The following CDKL5 variants were observed in gnomAD, a reference collection of about 807,000 sequenced individuals.
The protein encoded by CDKL5 is cyclin dependent kinase like 5, also known as cyclin-dependent kinase-like 5.
Under a neutral mutation model 61.7 loss-of-function variants are expected in CDKL5, and 8 were observed. That is an observed-to-expected ratio of 0.13 (90% CI 0.08 to 0.23). CDKL5 has a LOEUF of 0.23. CDKL5 is among the 10% of genes least tolerant of loss of function. The pLI is 1.00. For missense variants in CDKL5, 440 were observed against 734.5 expected (o/e 0.60, Z 4.63); for synonymous variants, 275 against 272.3 (o/e 1.01, Z -0.10).
rs982383361 is a variant in CDKL5 at position 18,637,193 on chromosome X, C to T, written c.*8436C>T. ...GGATCACGAGGTCAGGAGTTCGAGA[C>T]CAGCCTGGCCAACATGGTGAAACCC... On this transcript the variant is annotated 3_prime_UTR_variant, in exon 18 of 18. Transcript: ENST00000623535. The T allele has an allele frequency of 9.0e-6, 1 of 111,346 alleles. No individual in the cohort carries two copies. The highest frequency in any genetic ancestry group is 1.9e-5 in the Non-Finnish European group (1 of 53,098). 9.2% of individuals were successfully genotyped at this position (111,346 alleles called of 1,213,427 possible).
intron 1 of CDKL5, among the ~76,000 whole-genome samples, chrX:18,490,068 G>T (rs1921937868): frequency 9.0e-6 from 1 of 111,496 alleles, no homozygotes; most frequent in Admixed American, 9.6e-5. Flanking sequence ...CGAGGTGCTG[G>T]GAGGCTGGTG....
In CDKL5 at chrX:18,603,975, G is replaced by A. The variant is rs587783150; in HGVS notation, c.1051G>A (p.Val351Ile). The A allele has an allele frequency of 8.3e-7, 1 of 1,210,943 alleles. No homozygotes were observed. Among genetic ancestry groups the A allele is most frequent in the African/African-American group, 1.7e-5 (1 of 57,689 alleles). Residue 351 changes from valine to isoleucine, a missense_variant, in exon 12 of 18, where the codon GTA (valine) becomes ATA (isoleucine). Coordinates refer to ENST00000623535, the MANE Select transcript of CDKL5 (RefSeq NM_001323289.2). ...SNSKDIQNLS[V>I]GLPRADEGLP... ...CAGCAAGGACATCCAGAACCTGAGT[G>A]TAGGCCTGCCCCGGGCTGACGAAGG...
chrX:18,644,027 A>G (rs1048872039), downstream of CDKL5, among the ~76,000 whole-genome samples: 6 of 111,032 alleles, frequency 5.4e-5, no homozygotes, highest in African/African-American at 2.0e-4. Context: ...CCCCTCTGTC[A>G]GTCTCAAACA....
intron 9 of CDKL5, chrX:18,588,767 A>G (rs935829549): frequency 9.0e-6 from 1 of 110,534 alleles, no homozygotes; most frequent in Non-Finnish European, 1.9e-5. Flanking sequence ...TACAAAAATT[A>G]GCCAGGCATG....
Position 18,631,332 on chromosome X carries a change from C to T in CDKL5, c.*2575C>T, listed in dbSNP as rs763198988. ...TTCGAGGTAGCTCTTTAATCCTCTT[C>T]TCAGCTTTTGTCTGTTCTGACTTTT... On this transcript the variant is annotated 3_prime_UTR_variant, in exon 18 of 18. Transcript: ENST00000623535. The T allele has an allele frequency of 8.6e-5, 65 of 752,499 alleles. No homozygotes were observed. Among genetic ancestry groups the T allele is most frequent in the Non-Finnish European group, 1.0e-4 (64 of 638,521 alleles). The allele number at this position is 752,499 out of a possible 1,213,427, so 62.0% of individuals were successfully genotyped here.
chrX:18,564,526 G>GATATAT lies in CDKL5; in HGVS notation c.145+23_145+28dup, dbSNP rs745969938. On this transcript the variant is annotated splice_donor_region_variant and intron_variant, in intron 4 of 17. Coordinates refer to ENST00000623535, the MANE Select transcript of CDKL5 (RefSeq NM_001323289.2). The stretch of plus-strand genomic sequence containing the variant: ...AAGAAATTCAAGGACAGTGAAGGTA[G>GATATAT]ATATATATATATATATATATATATC... 29 of 607,933 alleles carry GATATAT rather than the reference G, an allele frequency of 4.8e-5. No individual in the cohort carries two copies. The highest frequency in any genetic ancestry group is 4.6e-4 in the Middle Eastern group (1 of 2,182). 50.1% of individuals were successfully genotyped at this position (607,933 alleles called of 1,213,427 possible).
intron 1 of CDKL5, among the ~76,000 whole-genome samples, chrX:18,504,555 C>A (rs7055405): frequency 0.017 from 1,918 of 111,809 alleles, 48 homozygotes; most frequent in African/African-American, 0.058. Context: ...AAATTTGCAC[C>A]AATTTACATT....
At chrX:18,652,147 G>A (rs1424386623) in intron 21 of CDKL5, among the ~76,000 whole-genome samples, 1 of 111,008 alleles carries the variant, frequency 9.0e-6, no homozygotes, top group African/African-American at 3.3e-5. Flanking sequence ...CAGGTGCTGG[G>A]CACTCTCTAG....
At chrX:18,516,152 G>A (rs1383752692) in intron 3 of CDKL5, among the ~76,000 whole-genome samples, 1 of 110,616 alleles carries the variant, frequency 9.0e-6, no homozygotes, top group East Asian at 2.8e-4. Flanking sequence ...CACCATGCGT[G>A]GCTAATTTTT....
chrX:18,544,758 C>T (rs1481804208), intron 3 of CDKL5, among the ~76,000 whole-genome samples: 3 of 112,514 alleles, frequency 2.7e-5, no homozygotes, highest in African/African-American at 9.7e-5. Context: ...TACTAAAGTA[C>T]GTTTCTAATT....
At chrX:18,564,308 A>G (rs1206889423) in intron 3 of CDKL5, among the ~76,000 whole-genome samples, 169 bp from the exon 4 acceptor site, 2 of 110,577 alleles carry the variant, frequency 1.8e-5, no homozygotes, top group Non-Finnish European at 1.9e-5. Context: ...GTGATAAGAA[A>G]GAGATTTTGG....
intron 1 of CDKL5, among the ~76,000 whole-genome samples, chrX:18,472,857 T>C (rs149035811): frequency 1.4e-3 from 153 of 109,632 alleles, no homozygotes; most frequent in African/African-American, 4.7e-3. Flanking sequence ...ATGCTGAAAA[T>C]AGTTTTCATT....
At chrX:18,628,042 T>A (rs1927120139) in intron 17 of CDKL5, among the ~76,000 whole-genome samples, 1 of 111,537 alleles carries the variant, frequency 9.0e-6, no homozygotes, top group Non-Finnish European at 1.9e-5. Context: ...CAGAGAAACA[T>A]ACACCTTTTG....
At chrX:18,615,405 G>A (rs1926686555) in intron 15 of CDKL5, among the ~76,000 whole-genome samples, 1 of 111,812 alleles carries the variant, frequency 8.9e-6, no homozygotes, top group African/African-American at 3.3e-5. Flanking sequence ...TGGTAATATA[G>A]TGAATTGCTA....
intron 3 of CDKL5, among the ~76,000 whole-genome samples, chrX:18,524,716 G>A (rs1457998178): frequency 8.9e-6 from 1 of 111,925 alleles, no homozygotes; most frequent in African/African-American, 3.3e-5. Context: ...GTTATCTTCT[G>A]GAAGTTTTAT....
At chrX:18,466,365 C>T (rs1456924588) in intron 1 of CDKL5, among the ~76,000 whole-genome samples, 1 of 111,939 alleles carries the variant, frequency 8.9e-6, no homozygotes, top group Non-Finnish European at 1.9e-5. Flanking sequence ...ATAAGCAAAT[C>T]TTATGAAATC....
intron 1 of CDKL5, among the ~76,000 whole-genome samples, chrX:18,429,735 A>G (rs1449378828): frequency 1.8e-5 from 2 of 112,027 alleles, no homozygotes; most frequent in African/African-American, 3.2e-5. Context: ...TGGCAGACTC[A>G]GTGGATCCTC....
intron 5 of CDKL5, among the ~76,000 whole-genome samples, chrX:18,578,819 T>C (rs1016859716): frequency 9.8e-5 from 11 of 111,911 alleles, no homozygotes; most frequent in Non-Finnish European, 1.7e-4. Context: ...TACTCAAGAA[T>C]TGAAATTTAG....
At chrX:18,434,198 A>G (rs933426471) in intron 1 of CDKL5, among the ~76,000 whole-genome samples, 4 of 111,950 alleles carry the variant, frequency 3.6e-5, no homozygotes, top group Admixed American at 1.9e-4. Flanking sequence ...GTAGACGGAC[A>G]CTGCTTAGGG....
Sources: allele counts gnomAD v4.1 joint callset (sites outside exome capture counted in the v4.1 genomes callset), GRCh38; gene constraint gnomAD v4.1.1; transcripts MANE v1.5; gene names NCBI Gene and HGNC (gene_info 2026-07-23, HGNC 2026-07-21).